Variants in RABGAP1 observed in about 807,000 individuals in gnomAD.
The protein encoded by RABGAP1 is RAB GTPase activating protein 1.
In RABGAP1, 23 loss-of-function variants were observed where a neutral mutation model predicts 137.6. The observed-to-expected ratio is 0.17, with a 90% CI of 0.12 to 0.24. The LOEUF (loss-of-function observed/expected upper bound fraction) is 0.24, where lower values mean the gene tolerates loss of function less well. RABGAP1 is among the 10% of genes least tolerant of loss of function. The pLI is 1.00. For missense variants in RABGAP1, 906 were observed against 1,275.8 expected (o/e 0.71, Z 4.42); for synonymous variants, 451 against 450.7 (o/e 1.00, Z -0.01).
In RABGAP1 at chr9:122,998,607, G is replaced by A. The variant is rs2032130524; in HGVS notation, c.1215G>A (p.Leu405=). ...VNEETPKDKV[L]FMTTAVDLVI... ...TCTTTCTTTGTTTAGATAAAGTCCT[G>A]TTTATGACCACAGCTGTAGATTTGG... Residue 405 remains leucine (L), a synonymous_variant, in exon 10 of 26, where the codon CTG becomes CTA. Coordinates refer to ENST00000373647, the MANE Select transcript of RABGAP1 (RefSeq NM_012197.4). 1.3e-6 allele frequency: 2 copies of A among 1,596,274 alleles called. No homozygotes were observed. The highest frequency in any genetic ancestry group is 8.6e-7 in the Non-Finnish European group (1 of 1,169,180).
Position 123,010,309 on chromosome 9 carries a change from TAAAG to T in RABGAP1, c.1375-42_1375-39del, listed in dbSNP as rs568773324. 139 of 1,489,950 alleles carry T rather than the reference TAAAG, an allele frequency of 9.3e-5. 1 individual carries two copies. The South Asian group carries it at 1.2e-3, about 13-fold the overall frequency. 92.3% of individuals were successfully genotyped at this position (1,489,950 alleles called of 1,614,324 possible). On this transcript the variant is annotated intron_variant, in intron 10 of 25. Transcript: ENST00000373647. ...AAAACACTGCAATTAATTAAAAACA[TAAAG>T]AACTTTACTGCTTAATAAATAATAT...
At chr9:123,073,918 G>T (rs1038037622) in intron 16 of RABGAP1, among the ~76,000 whole-genome samples, 2 of 152,170 alleles carry the variant, frequency 1.3e-5, no homozygotes, top group African/African-American at 4.8e-5. Flanking sequence ...TTTGTTAGGG[G>T]TCTTTTCCAC....
At chr9:123,008,785 G>A (rs963786727) in intron 10 of RABGAP1, among the ~76,000 whole-genome samples, 9 of 152,126 alleles carry the variant, frequency 5.9e-5, no homozygotes, top group African/African-American at 2.2e-4. Flanking sequence ...CTGAGTACTT[G>A]TGGAACTTGG....
intron 9 of RABGAP1, 85 bp downstream of exon 9, chr9:122,997,446 C>G: frequency 1.2e-6 from 1 of 819,164 alleles, no homozygotes; most frequent in Non-Finnish European, 1.8e-6. Context: ...TGACCAATAT[C>G]CAGTGTTTAC....
intron 2 of RABGAP1, among the ~76,000 whole-genome samples, chr9:122,977,835 ATTGT>A (rs1835843805): frequency 1.3e-5 from 2 of 152,126 alleles, no homozygotes; most frequent in African/African-American, 4.8e-5. Context: ...GAGATTTGAG[ATTGT>A]TTGTTGTTGG....
chr9:122,999,187 T>C (rs1837195355), intron 10 of RABGAP1, among the ~76,000 whole-genome samples: 1 of 152,044 alleles, frequency 6.6e-6, no homozygotes, highest in Non-Finnish European at 1.5e-5. Context: ...TGTTGTTTGT[T>C]TGTTTGTTTT....
rs566777226 is a variant in RABGAP1, at chr9:123,044,999, G to C, written c.1795-20349G>C. Among the ~76,000 whole-genome samples, 4 of 152,202 alleles carry C rather than the reference G, an allele frequency of 2.6e-5. No homozygotes were observed. In the East Asian group the frequency reaches 7.7e-4, roughly 29 times the overall value. ...AATATATGACATGAGAAAGCCCTTTGCAAATTAAAAAACCTATCTTTACAA... is the reference window on the plus strand; with the variant it reads ...AATATATGACATGAGAAAGCCCTTTCCAAATTAAAAAACCTATCTTTACAA... On this transcript the variant is annotated intron_variant, in intron 13 of 25. Transcript: ENST00000373647.
chr9:123,032,407 C>A (rs2032352579), intron 13 of RABGAP1, among the ~76,000 whole-genome samples: 1 of 152,130 alleles, frequency 6.6e-6, no homozygotes, highest in Admixed American at 6.5e-5. Flanking sequence ...CTCTGTTTCC[C>A]AATAAGACCT....
chr9:122,955,748 C>T (rs976652956), intron 1 of RABGAP1, among the ~76,000 whole-genome samples: 3 of 151,972 alleles, frequency 2.0e-5, no homozygotes, highest in Non-Finnish European at 4.4e-5. Context: ...TATATGTGGG[C>T]CTTTTAGGGG....
chr9:123,102,621 T>C (rs1437364754), intron 25 of RABGAP1, among the ~76,000 whole-genome samples: 1 of 152,078 alleles, frequency 6.6e-6, no homozygotes, highest in East Asian at 1.9e-4. Flanking sequence ...GGGAGTGGCA[T>C]GTTCAGCAGC....
intron 24 of RABGAP1, 76 bp from the exon 25 acceptor site, chr9:123,101,490 C>G: frequency 1.4e-6 from 2 of 1,393,000 alleles, no homozygotes; most frequent in Non-Finnish European, 2.0e-6. Context: ...TTGGTGTCCC[C>G]CAAAGGAGAT....
chr9:123,078,438 G>A (rs2034590569), intron 19 of RABGAP1, among the ~76,000 whole-genome samples: 1 of 152,110 alleles, frequency 6.6e-6, no homozygotes, highest in African/African-American at 2.4e-5. Context: ...GTTTAACATA[G>A]TGCCTGGTAG....
At chr9:123,065,984 T>G (rs1438901443) in intron 14 of RABGAP1, among the ~76,000 whole-genome samples, 1 of 152,250 alleles carries the variant, frequency 6.6e-6, no homozygotes, top group Non-Finnish European at 1.5e-5. Flanking sequence ...CAAATAGATT[T>G]GGCACATTAG....
chr9:123,061,376 A>C (rs2033964606), intron 13 of RABGAP1, among the ~76,000 whole-genome samples: 1 of 152,182 alleles, frequency 6.6e-6, no homozygotes, highest in African/African-American at 2.4e-5. Flanking sequence ...CGGCCTCCCA[A>C]AGTGCTAGGA....
intron 6 of RABGAP1, among the ~76,000 whole-genome samples, chr9:122,993,265 T>A (rs7035665): frequency 0.11 from 16,582 of 152,130 alleles, 2,925 homozygotes; most frequent in African/African-American, 0.37. Flanking sequence ...GTATAATTTT[T>A]AAATTATTAT....
In RABGAP1 at chr9:123,070,676, G is replaced by C. The variant is rs2034324936; in HGVS notation, c.1983+252G>C. On this transcript the variant is annotated intron_variant, in intron 15 of 25. Coordinates refer to ENST00000373647, the MANE Select transcript of RABGAP1 (RefSeq NM_012197.4). The surrounding 1 kb of genome is among the most constrained non-coding windows in gnomAD (Gnocchi z 4.4). ...TTTTTATTAATAGGATGATTGGAGA[G>C]ACTTTAATGTTGGTTGAACTCTTGG... Among the ~76,000 whole-genome samples, 1 of 152,192 alleles carries C rather than the reference G, an allele frequency of 6.6e-6. No individual in the cohort carries two copies. The highest frequency in any genetic ancestry group is 2.4e-5 in the African/African-American group (1 of 41,444).
At chr9:123,011,847 T>C (rs1458749051) in intron 11 of RABGAP1, among the ~76,000 whole-genome samples, 3 of 152,046 alleles carry the variant, frequency 2.0e-5, no homozygotes, top group Non-Finnish European at 4.4e-5. Context: ...CCTAGCTACT[T>C]GGGAGGCTGA....
chr9:122,956,946 G>A (rs1834560826), intron 1 of RABGAP1, 65 bp from the exon 2 acceptor site: 1 of 844,802 alleles, frequency 1.2e-6, no homozygotes. Flanking sequence ...TGTGTAAGAA[G>A]TACAGTGTAA....
At chr9:123,087,249 G>A (rs2034895218) in intron 19 of RABGAP1, among the ~76,000 whole-genome samples, 1 of 152,150 alleles carries the variant, frequency 6.6e-6, no homozygotes, top group Non-Finnish European at 1.5e-5. Flanking sequence ...TATCTATGGG[G>A]AAAAATGTTA....
Sources: allele counts gnomAD v4.1 joint callset (sites outside exome capture counted in the v4.1 genomes callset), GRCh38; gene constraint gnomAD v4.1.1; non-coding constraint Gnocchi (gnomAD v3.1); transcripts MANE v1.5; gene names NCBI Gene and HGNC (gene_info 2026-07-23, HGNC 2026-07-21).